IGFL4: variants seen among roughly 807,000 people sequenced by gnomAD.
IGFL4 encodes insulin growth factor-like family member 4.
In IGFL4, 12 loss-of-function variants were observed where a neutral mutation model predicts 15.4. The observed-to-expected ratio is 0.78, with a 90% confidence interval of 0.50 to 1.26. The LOEUF is 1.26. IGFL4 is among the 50% of genes most tolerant of loss of function. The pLI, the probability that IGFL4 is intolerant of heterozygous loss-of-function variation, is 0.00. For synonymous variants in IGFL4, 54 were observed against 55.9 expected, an observed-to-expected ratio of 0.97 and a Z score of 0.16; for missense variants, 126 against 147.8, an observed-to-expected ratio of 0.85 and a Z score of 0.76.
In IGFL4 at chr19:46,069,485, T is replaced by C. The variant is rs530711526; in HGVS notation, c.-432+7535A>G. Among the ~76,000 whole-genome samples, 37 of 152,330 alleles carry C rather than the reference T, an allele frequency of 2.4e-4. No homozygotes were observed. In the South Asian group the frequency reaches 3.5e-3, roughly 14 times the overall value. On this transcript the variant is annotated intron_variant, in intron 1 of 5. Transcript: ENST00000601672. ...CCCAAAGGTAACTGCATTTAAGATGTAGTGTTTGTATTTTTCCATAAATTC... is the reference window on the plus strand; with the variant it reads ...CCCAAAGGTAACTGCATTTAAGATGCAGTGTTTGTATTTTTCCATAAATTC...
intron 2 of IGFL4, among the ~76,000 whole-genome samples, chr19:46,049,757 A>G (rs2146515012): frequency 6.6e-6 from 1 of 152,206 alleles, no homozygotes; most frequent in African/African-American, 2.4e-5. Context: ...AGAAACCTGA[A>G]TACTCATTCA....
At chr19:46,057,206 ACTATT>A (rs1317427329) in intron 2 of IGFL4, among the ~76,000 whole-genome samples, 1 of 152,142 alleles carries the variant, frequency 6.6e-6, no homozygotes, top group Admixed American at 6.5e-5. Context: ...TACTTCTTCT[ACTATT>A]TTCTTATGTT....
chr19:46,070,752 G>A (rs975123855), intron 1 of IGFL4, among the ~76,000 whole-genome samples: 1 of 152,122 alleles, frequency 6.6e-6, no homozygotes, highest in African/African-American at 2.4e-5. Context: ...AGGCACATCG[G>A]CAGTTCATGG....
chr19:46,039,994 C>T lies in IGFL4; in HGVS notation c.331-58G>A, dbSNP rs535516482. 8.6e-3 allele frequency: 13,162 copies of T among 1,525,078 alleles called. 909 individuals are homozygous for T. The African/African-American group carries it at 0.16, about 18-fold the overall frequency. The allele number at this position is 1,525,078 out of a possible 1,614,324, so 94.5% of individuals were successfully genotyped here. On this transcript the variant is annotated intron_variant, in intron 3 of 3. Transcript: ENST00000377697. Reference sequence around the variant, plus strand: ...AGAGGGAGGGTGGTAGCAGCAGTGGCGGGGAAGGAACAGAGACATGGAGAA... The same window carrying T: ...AGAGGGAGGGTGGTAGCAGCAGTGGTGGGGAAGGAACAGAGACATGGAGAA...
chr19:46,051,949 A>G (rs1969348632), intron 2 of IGFL4, among the ~76,000 whole-genome samples: 1 of 152,258 alleles, frequency 6.6e-6, no homozygotes, highest in African/African-American at 2.4e-5. Context: ...TTCTAAATAT[A>G]CATGCACCTA....
intron 1 of IGFL4, among the ~76,000 whole-genome samples, chr19:46,063,997 G>A (rs750814208): frequency 1.3e-4 from 19 of 151,722 alleles, no homozygotes; most frequent in Non-Finnish European, 2.8e-4. Context: ...GCTTGAACCC[G>A]GGAGGCGGAA....
chr19:46,047,373 C>G (rs1600670463), intron 2 of IGFL4, among the ~76,000 whole-genome samples: 1 of 152,056 alleles, frequency 6.6e-6, no homozygotes, highest in Non-Finnish European at 1.5e-5. Context: ...AACCCCAAAG[C>G]TAGCAGAAAA....
At chr19:46,063,015 T>C (rs1308959897) in intron 1 of IGFL4, 1 of 152,154 alleles carries the variant, frequency 6.6e-6, no homozygotes, top group African/African-American at 2.4e-5. Flanking sequence ...GAGAGGGACT[T>C]TACTGAGAGG....
At chr19:46,051,976 AT>A (rs1414496036) in intron 2 of IGFL4, among the ~76,000 whole-genome samples, 3 of 152,204 alleles carry the variant, frequency 2.0e-5, no homozygotes, top group Admixed American at 1.3e-4. Context: ...GAGCTCCCAA[AT>A]TTATAAAACA....
chr19:46,040,718 G>A lies in IGFL4; in HGVS notation c.20-150C>T. ...TGTGGGTGCAGGTCCTGGGGACTGG[G>A]CTTGGCAGGTGAGGAAAGGCAGGGA... On this transcript the variant is annotated intron_variant, in intron 1 of 3. Transcript: ENST00000377697. This position sits in a 1 kb window ranked among gnomAD's most constrained non-coding sequence, Gnocchi z 4.1. 1 of 1,014,390 alleles carries A rather than the reference G, an allele frequency of 9.9e-7. No individual in the cohort carries two copies. 62.8% of individuals were successfully genotyped at this position (1,014,390 alleles called of 1,614,324 possible). A position where few individuals can be genotyped will look rare whatever the true frequency, so the allele number is the denominator to read the frequency against.
chr19:46,068,905 A>G (rs1969519799), intron 1 of IGFL4, among the ~76,000 whole-genome samples: 1 of 152,180 alleles, frequency 6.6e-6, no homozygotes, highest in African/African-American at 2.4e-5. Flanking sequence ...TGTCCAGTTG[A>G]CTTAAGTTCT....
chr19:46,076,028 C>T (rs1969592154), intron 1 of IGFL4, among the ~76,000 whole-genome samples: 3 of 152,154 alleles, frequency 2.0e-5, no homozygotes, highest in Admixed American at 1.3e-4. Flanking sequence ...AAAGTCCAAA[C>T]TTTCAAACAC....
At chr19:46,058,823 G>C (rs913637387) in intron 2 of IGFL4, 1 of 152,232 alleles carries the variant, frequency 6.6e-6, no homozygotes, top group Non-Finnish European at 1.5e-5. Flanking sequence ...GAGCAACTGG[G>C]ATGCAGGATA....
At position 46,053,372 on chromosome 19, in the gene IGFL4, G is replaced by A. The variant is rs556017570; in HGVS notation, c.-323+6813C>T. Among the ~76,000 whole-genome samples, 258 of 152,120 alleles carry A rather than the reference G, an allele frequency of 1.7e-3. 2 individuals are homozygous for A. Among genetic ancestry groups the A allele is most frequent in the Admixed American group, 3.7e-3 (57 of 15,288 alleles). On this transcript the variant is annotated intron_variant, in intron 2 of 5. Coordinates refer to the IGFL4 transcript ENST00000601672. ...TGGGATTACAGGCACCCACCACCAC[G>A]CCTGGCTAACTTTTGTATTTTTAGT... is the stretch of plus-strand genomic sequence containing the variant.
intron 1 of IGFL4, among the ~76,000 whole-genome samples, chr19:46,069,858 G>C (rs1347101402): frequency 1.3e-5 from 2 of 152,134 alleles, no homozygotes; most frequent in Admixed American, 1.3e-4. Flanking sequence ...TATGCATAGG[G>C]AAAAATCTAA....
chr19:46,071,297 T>C (rs1969543604), intron 1 of IGFL4, among the ~76,000 whole-genome samples: 2 of 152,146 alleles, frequency 1.3e-5, no homozygotes, highest in Admixed American at 1.3e-4. Flanking sequence ...CCCTTGACTA[T>C]GTTGGGGGTA....
chr19:46,058,473 TC>T (rs1208181045), intron 2 of IGFL4: 2 of 152,360 alleles, frequency 1.3e-5, no homozygotes, highest in African/African-American at 4.8e-5. Context: ...TGTTGGTGGA[TC>T]TACCATTCTG....
chr19:46,071,803 A>G (rs1379078229), intron 1 of IGFL4, among the ~76,000 whole-genome samples: 1 of 152,232 alleles, frequency 6.6e-6, no homozygotes, highest in Non-Finnish European at 1.5e-5. Flanking sequence ...GGTGGATCAC[A>G]TGAGTCCAGG....
intron 1 of IGFL4, among the ~76,000 whole-genome samples, chr19:46,071,644 A>C (rs756594651): frequency 1.8e-4 from 28 of 152,240 alleles, no homozygotes; most frequent in Non-Finnish European, 3.5e-4. Flanking sequence ...GAATGAATTC[A>C]TAAGTTCAAG....
Sources: gnomAD v4.1 joint callset for allele counts (sites outside exome capture counted in the v4.1 genomes callset) on GRCh38, gnomAD v4.1.1 for gene constraint, Gnocchi (gnomAD v3.1) non-coding constraint, MANE v1.5 for transcripts, NCBI Gene and HGNC (gene_info 2026-07-23, HGNC 2026-07-21) for gene names.